Variants in DYNC1H1 observed in about 807,000 individuals in gnomAD.
DYNC1H1 encodes dynein cytoplasmic 1 heavy chain 1, also known as cytoplasmic dynein 1 heavy chain 1.
DYNC1H1 carries 51 observed loss-of-function variants against 527.1 expected under a neutral mutation model. The observed-to-expected ratio is 0.10, with a 90% CI of 0.08 to 0.12. DYNC1H1 has a LOEUF of 0.12. Among genes scored for constraint, DYNC1H1 ranks in the 10% least tolerant of loss-of-function variants. DYNC1H1 has a pLI of 1.00. For missense variants in DYNC1H1, 2,771 were observed against 5,971.8 expected (o/e 0.46, Z 17.66); for synonymous variants, 2,189 against 2,278.8 (o/e 0.96, Z 1.12).
In DYNC1H1 at chr14:102,040,313, G is replaced by A; in HGVS notation, c.11768G>A (p.Arg3923Lys). ...GTCCTGAGTGCTGGCTCCACCCCCA[G>A]GATCCAGGGCCTGACTGTGGAGCAG... ...EIVLSAGSTP[R>K]IQGLTVEQAE... The change falls in exon 63 of 78, where the codon AGG becomes AAG. Residue 3923 changes from arginine to lysine, a missense_variant. Transcript: ENST00000360184. 6.2e-7 allele frequency: 1 copy of A among 1,614,206 alleles called. No individual in the cohort carries two copies.
intron 23 of DYNC1H1, among the ~76,000 whole-genome samples, 195 bp from the exon 24 acceptor site, chr14:102,004,323 T>G (rs1229739063): frequency 2.6e-5 from 4 of 152,226 alleles, no homozygotes. Flanking sequence ...ATTGAATTCC[T>G]CTTCAAGATC....
rs781336672 is a variant in DYNC1H1 at position 101,975,796 on chromosome 14, A to G, written c.341A>G (p.Asn114Ser). ...NIDIHYGVKSNSLAFIKRTPV... is the reference protein window; with the variant it reads ...NIDIHYGVKSSSLAFIKRTPV... ...GACATTCATTATGGGGTTAAATCCA[A>G]TAGGTGAGTAGTACAAATATTACCA... Residue 114 changes from asparagine (N) to serine (S), a missense_variant, in exon 2 of 78, where the codon AAT becomes AGT. Asn to Ser is a conservative substitution (Grantham distance 46). Around this residue, in one of 32 missense-constraint regions of DYNC1H1, gnomAD observed 146 missense variants for 288.1 expected, o/e 0.51. Coordinates refer to ENST00000360184, the MANE Select transcript of DYNC1H1 (RefSeq NM_001376.5). 3.0e-5 allele frequency: 48 copies of G among 1,602,486 alleles called. No homozygotes were observed. In the South Asian group the frequency reaches 4.5e-4, roughly 15 times the overall value.
rs1454214993 is a variant in DYNC1H1, at chr14:102,039,286, G to T, written c.11460+32G>T. On this transcript the variant is annotated intron_variant, in intron 60 of 77. Coordinates refer to ENST00000360184, the MANE Select transcript of DYNC1H1 (RefSeq NM_001376.5). This position sits in a 1 kb window ranked among gnomAD's most constrained non-coding sequence, Gnocchi z 7.0. ...GCCTTGGCCATGCAGAGACTGGCGG[G>T]CCCCGCACAGTAGCTCCTTGGCCGC... is the stretch of plus-strand genomic sequence containing the variant. The T allele has an allele frequency of 1.2e-6, 2 of 1,611,634 alleles. No individual in the cohort carries two copies. Among genetic ancestry groups the T allele is most frequent in the East Asian group, 4.5e-5 (2 of 44,896 alleles).
Position 102,010,799 on chromosome 14 carries a change from G to A in DYNC1H1, c.6465G>A (p.Pro2155=), listed in dbSNP as rs777321727. Residue 2155 remains proline (P), a synonymous_variant, in exon 32 of 78, where the codon CCG becomes CCA. Coordinates refer to ENST00000360184, the MANE Select transcript of DYNC1H1 (RefSeq NM_001376.5). This position sits in a 1 kb window ranked among gnomAD's most constrained non-coding sequence, Gnocchi z 6.0. ...CAAAGCTGGTGGCAGAGGACATCCC[G>A]CTGCTCTTCAGCCTCCTGTCGGACG... is the stretch of plus-strand genomic sequence containing the variant. ...MVPKLVAEDI[P]LLFSLLSDVF... 3.1e-6 allele frequency: 5 copies of A among 1,614,026 alleles called. No individual in the cohort carries two copies. Among genetic ancestry groups the A allele is most frequent in the African/African-American group, 2.7e-5 (2 of 75,066 alleles).
At chr14:101,977,277 G>A (rs2047811552) in intron 2 of DYNC1H1, among the ~76,000 whole-genome samples, 2 of 152,152 alleles carry the variant, frequency 1.3e-5, no homozygotes, top group African/African-American at 4.8e-5. Context: ...ATTTAAATAT[G>A]TAAATGTCAT....
intron 16 of DYNC1H1, among the ~76,000 whole-genome samples, chr14:101,998,087 T>G (rs1343288852): frequency 6.6e-6 from 1 of 152,234 alleles, no homozygotes; most frequent in East Asian, 1.9e-4. Flanking sequence ...TTTGCTCCCT[T>G]TGTTATTTTT....
At chr14:102,048,287 C>A in intron 73 of DYNC1H1, 1 of 721,660 alleles carries the variant, frequency 1.4e-6, no homozygotes, top group South Asian at 1.8e-5. Flanking sequence ...CCCTTCCTCC[C>A]TAGAGAGCCC....
In DYNC1H1 at chr14:102,032,877, T is replaced by C. The variant is rs916605105; in HGVS notation, c.10080-188T>C. ...CATTAAAAAAGAAGAAAGAAAAAAA[T>C]TGTTCAAGTGTTGAGCACATTTTCA... On this transcript the variant is annotated intron_variant, in intron 52 of 77. Transcript: ENST00000360184. 37 of 637,074 alleles carry C rather than the reference T, an allele frequency of 5.8e-5. 1 individual carries two copies. In the African/African-American group the frequency reaches 6.1e-4, roughly 11 times the overall value. The allele number at this position is 637,074 out of a possible 1,614,324, so 39.5% of individuals were successfully genotyped here.
chr14:101,998,661 G>A (rs187645879), intron 16 of DYNC1H1, among the ~76,000 whole-genome samples: 120 of 152,106 alleles, frequency 7.9e-4, no homozygotes, highest in Non-Finnish European at 1.0e-3. Context: ...GCCTGTAACC[G>A]TTTCCGTGCT....
rs1248983064 is a variant in DYNC1H1 at position 101,965,651 on chromosome 14, T to C, written c.256+704T>C. Among the ~76,000 whole-genome samples the C allele has an allele frequency of 5.9e-5, 9 of 152,016 alleles. No homozygotes were observed. Among genetic ancestry groups the C allele is most frequent in the Admixed American group, 3.3e-4 (5 of 15,262 alleles). On this transcript the variant is annotated intron_variant, in intron 1 of 77. Transcript: ENST00000360184. This position sits in a 1 kb window ranked among gnomAD's most constrained non-coding sequence, Gnocchi z 4.1. The stretch of plus-strand genomic sequence containing the variant: ...CACCTGAGGAAACTGAGGCTCAGGT[T>C]AAGTGATTTCACCCAAGGTCACCAG...
In DYNC1H1 at chr14:102,050,181, GAGA is replaced by G; in HGVS notation, c.13801_13803del (p.Lys4601del). ...GCGCTGGGTCAAGCAGACAAACACC[GAGA>G]AGAAGGCCAGTGTGGTAAGGAGGCA... On this transcript the variant is annotated inframe_deletion, in exon 77 of 78. Coordinates refer to ENST00000360184, the MANE Select transcript of DYNC1H1 (RefSeq NM_001376.5). 12 of 1,614,072 alleles carry G rather than the reference GAGA, an allele frequency of 7.4e-6. No homozygotes were observed. Among genetic ancestry groups the G allele is most frequent in the Admixed American group, 1.7e-5 (1 of 60,004 alleles).
In DYNC1H1 at chr14:101,985,533, C is replaced by T. The variant is rs991483713; in HGVS notation, c.1462-154C>T. ...TAGAGACTGGGTTTCACCATGTTGG[C>T]CAGGCTGGTCTCGAACTCCTGACCT... On this transcript the variant is annotated intron_variant, in intron 7 of 77. Coordinates refer to ENST00000360184, the MANE Select transcript of DYNC1H1 (RefSeq NM_001376.5). This position sits in a 1 kb window ranked among gnomAD's most constrained non-coding sequence, Gnocchi z 5.9. Among the ~76,000 whole-genome samples, 7 of 152,132 alleles carry T rather than the reference C, an allele frequency of 4.6e-5. No homozygotes were observed. Among genetic ancestry groups the T allele is most frequent in the Non-Finnish European group, 8.8e-5 (6 of 68,008 alleles).
In DYNC1H1 at chr14:102,028,006, T is replaced by G; in HGVS notation, c.9333T>G (p.Ser3111Arg). The G allele has an allele frequency of 6.2e-7, 1 of 1,614,150 alleles. No individual in the cohort carries two copies. The highest frequency in any genetic ancestry group is 8.5e-7 in the Non-Finnish European group (1 of 1,180,022). The change falls in exon 48 of 78, where the codon AGT (serine) becomes AGG (arginine). Residue 3111 changes from serine (S) to arginine (R), a missense_variant. Around this residue, in one of 32 missense-constraint regions of DYNC1H1, gnomAD observed 67 missense variants for 128.2 expected, o/e 0.52. Coordinates refer to ENST00000360184, the MANE Select transcript of DYNC1H1 (RefSeq NM_001376.5). Reference protein sequence around the residue: ...ALYQVGKEFTSKMDLEKPNYI... With the variant: ...ALYQVGKEFTRKMDLEKPNYI... ...ATCAGGTTGGCAAAGAATTCACAAG[T>G]AAGATGGATCTGGAGAAGCCAAATT... is the stretch of plus-strand genomic sequence containing the variant.
At chr14:102,000,187 C>A (rs757099999) in intron 17 of DYNC1H1, 43 bp downstream of exon 17, 1 of 1,614,050 alleles carries the variant, frequency 6.2e-7, no homozygotes, top group East Asian at 2.2e-5. Context: ...CGCTCCCCAC[C>A]CGGACTCTGC....
Position 102,016,475 on chromosome 14 carries a change from A to G in DYNC1H1, c.7600A>G (p.Ile2534Val), listed in dbSNP as rs1778579601. 9 of 1,613,972 alleles carry G rather than the reference A, an allele frequency of 5.6e-6. No individual in the cohort carries two copies. The highest frequency in any genetic ancestry group is 1.3e-5 in the African/African-American group (1 of 74,942). ...VPLPTAPNIP[I>V]IDYEVSISGE... Reference sequence around the variant, plus strand: ...TCTGCCCACTGCGCCCAACATACCCATTATCGATTATGAGGTGAGCATGCA... The same window carrying G: ...TCTGCCCACTGCGCCCAACATACCCGTTATCGATTATGAGGTGAGCATGCA... The change falls in exon 37 of 78, where the codon ATT becomes GTT. Residue 2534 changes from isoleucine (I) to valine (V), a missense_variant. Ile to Val is a conservative substitution (Grantham distance 29). Coordinates refer to ENST00000360184, the MANE Select transcript of DYNC1H1 (RefSeq NM_001376.5). The surrounding 1 kb of genome is among the most constrained non-coding windows in gnomAD (Gnocchi z 7.3).
Position 102,022,785 on chromosome 14 carries a change from G to A in DYNC1H1, c.8542G>A (p.Glu2848Lys). ...GGATGAGGAGAGGCGTTGGACTGAT[G>A]AGAACATCGACACGGTTGCTCTGAA... ...VEDEERRWTD[E>K]NIDTVALKHF... Residue 2848 changes from glutamate (E) to lysine (K), a missense_variant, in exon 43 of 78, where the codon GAG (glutamate) becomes AAG (lysine). Glu to Lys is a moderately conservative substitution (Grantham distance 56). This residue lies in a region of DYNC1H1 where 163 missense variants were observed against 346.9 expected (regional missense o/e 0.47). Transcript: ENST00000360184. 6.2e-7 allele frequency: 1 copy of A among 1,614,174 alleles called. No individual in the cohort carries two copies. Among genetic ancestry groups the A allele is most frequent in the Non-Finnish European group, 8.5e-7 (1 of 1,180,032 alleles).
rs748158145 is a variant in DYNC1H1 at position 102,048,530 on chromosome 14, G to A, written c.13233G>A (p.Arg4411=). 1.9e-6 allele frequency: 3 copies of A among 1,614,226 alleles called. No homozygotes were observed. The highest frequency in any genetic ancestry group is 2.5e-6 in the Non-Finnish European group (3 of 1,180,050). Residue 4411 remains arginine, a synonymous_variant, in exon 74 of 78, where the codon AGG becomes AGA. Transcript: ENST00000360184. The part of the protein sequence containing the change: ...TVENIKDPLF[R]FFEREVKMGA... Reference sequence around the variant, plus strand: ...AACGATTTTAGGATCCTTTGTTCAGGTTCTTTGAGAGAGAAGTGAAGATGG... The same window carrying A: ...AACGATTTTAGGATCCTTTGTTCAGATTCTTTGAGAGAGAAGTGAAGATGG...
intron 1 of DYNC1H1, among the ~76,000 whole-genome samples, chr14:101,972,661 C>G (rs1490161844): frequency 6.6e-6 from 1 of 152,154 alleles, no homozygotes; most frequent in East Asian, 1.9e-4. Flanking sequence ...TATGCTGTGT[C>G]CGGACTGCGC....
Position 102,012,478 on chromosome 14 carries a change from G to T in DYNC1H1, c.7014+8G>T, listed in dbSNP as rs2048268995. ...CTCAGTCTTCCACCCAATGTAAGTA[G>T]CCTTTTGTATGTCGTCAACTGAATA... On this transcript the variant is annotated splice_region_variant and intron_variant, in intron 34 of 77. Transcript: ENST00000360184. This position sits in a 1 kb window ranked among gnomAD's most constrained non-coding sequence, Gnocchi z 4.9. 2.5e-6 allele frequency: 4 copies of T among 1,614,122 alleles called. No homozygotes were observed. Among genetic ancestry groups the T allele is most frequent in the Non-Finnish European group, 3.4e-6 (4 of 1,180,026 alleles).
Sources: allele counts gnomAD v4.1 joint callset (sites outside exome capture counted in the v4.1 genomes callset), GRCh38; gene constraint gnomAD v4.1.1; regional missense constraint gnomAD v4.1.1; non-coding constraint Gnocchi (gnomAD v3.1); transcripts MANE v1.5; gene names NCBI Gene and HGNC (gene_info 2026-07-23, HGNC 2026-07-21).